The following GALNT13 variants were observed in gnomAD, a reference collection of about 807,000 sequenced individuals.
The protein encoded by GALNT13 is polypeptide N-acetylgalactosaminyltransferase 13, also known as UDP-GalNAc:polypeptide N-acetylgalactosaminyltransferase 13.
Under a neutral mutation model 64.2 loss-of-function variants are expected in GALNT13, and 28 were observed. The ratio of observed to expected loss-of-function variants is 0.44; its 90% CI spans 0.32 to 0.60. The LOEUF (loss-of-function observed/expected upper bound fraction) is 0.60, where lower values mean the gene tolerates loss of function less well. GALNT13 is among the 20% of genes least tolerant of loss of function. The pLI is 0.05. For missense variants in GALNT13, 577 were observed against 669.8 expected (o/e 0.86, Z 1.53); for synonymous variants, 214 against 224.6 (o/e 0.95, Z 0.42).
the GALNT13 span, among the ~76,000 whole-genome samples, chr2:153,603,184 T>C: frequency 2.6e-5 from 4 of 151,914 alleles, no homozygotes; most frequent in Non-Finnish European, 5.9e-5. Flanking sequence ...GAAGTACTTG[T>C]GCATCTTCTG....
chr2:153,843,911 G>A, the GALNT13 span, among the ~76,000 whole-genome samples: 2 of 152,336 alleles, frequency 1.3e-5, no homozygotes, highest in East Asian at 3.9e-4. Context: ...CCAGTGTAAA[G>A]TGTGGGCTCC....
intron 3 of GALNT13, among the ~76,000 whole-genome samples, chr2:154,028,006 T>C (rs996148432): frequency 6.6e-5 from 10 of 152,140 alleles, no homozygotes; most frequent in Non-Finnish European, 1.3e-4. Context: ...TTTTGGCTTT[T>C]GCTCTCAAAA....
the GALNT13 span, among the ~76,000 whole-genome samples, chr2:153,344,198 T>C: frequency 3.2e-3 from 481 of 152,300 alleles, 17 homozygotes; most frequent in East Asian, 0.085. Flanking sequence ...ACTACCCTCA[T>C]TAGAGTATAG....
chr2:154,153,093 G>T (rs567491195), intron 4 of GALNT13, among the ~76,000 whole-genome samples: 1 of 152,132 alleles, frequency 6.6e-6, no homozygotes, highest in Non-Finnish European at 1.5e-5. Context: ...TGATGGTGAC[G>T]TACAGATGGG....
chr2:153,069,140 C>T, the GALNT13 span, among the ~76,000 whole-genome samples: 6 of 152,162 alleles, frequency 3.9e-5, no homozygotes, highest in Admixed American at 2.6e-4. Flanking sequence ...TGACCTTCAG[C>T]GTCCAGGAGA....
At chr2:153,077,321 T>C in the GALNT13 span, among the ~76,000 whole-genome samples, 1 of 151,978 alleles carries the variant, frequency 6.6e-6, no homozygotes, top group Admixed American at 6.6e-5. Context: ...TTCTATTATA[T>C]TTATATATCT....
chr2:153,609,473 C>A, the GALNT13 span, among the ~76,000 whole-genome samples: 231 of 152,270 alleles, frequency 1.5e-3, 2 homozygotes, highest in East Asian at 5.2e-3. Context: ...CCGTTTCCAT[C>A]ATTTCTCTGC....
the GALNT13 span, among the ~76,000 whole-genome samples, chr2:153,133,053 T>G: frequency 2.8e-4 from 43 of 151,814 alleles, no homozygotes; most frequent in Admixed American, 2.6e-3. Flanking sequence ...TTTTTTTTTT[T>G]TTGGTTTTTG....
At chr2:154,309,524 G>A (rs970776264) in intron 9 of GALNT13, among the ~76,000 whole-genome samples, 1 of 152,172 alleles carries the variant, frequency 6.6e-6, no homozygotes, top group Admixed American at 6.5e-5. Flanking sequence ...CATGGCAGAA[G>A]GTGGAAGGGG....
chr2:153,201,747 G>A, the GALNT13 span: 1 of 151,958 alleles, frequency 6.6e-6, no homozygotes, highest in Non-Finnish European at 1.5e-5. Flanking sequence ...AATAGTGGGC[G>A]CCCCACCAGG....
chr2:153,196,498 G>A, the GALNT13 span, among the ~76,000 whole-genome samples: 2 of 152,130 alleles, frequency 1.3e-5, no homozygotes, highest in Non-Finnish European at 2.9e-5. Flanking sequence ...GGCCATGAGA[G>A]TCGACACTCC....
chr2:154,316,280 A>T (rs35354031), intron 9 of GALNT13, among the ~76,000 whole-genome samples: 24,261 of 152,138 alleles, frequency 0.16, 2,078 homozygotes, highest in African/African-American at 0.22. Flanking sequence ...AACTTTGCAC[A>T]TTCTTAGTGT....
chr2:154,217,750 A>G (rs916293371), intron 4 of GALNT13, among the ~76,000 whole-genome samples: 1 of 152,226 alleles, frequency 6.6e-6, no homozygotes, highest in East Asian at 1.9e-4. Flanking sequence ...TAAAAAGAAA[A>G]TAAATTAAAA....
At chr2:154,255,380 G>A (rs1379601510) in intron 7 of GALNT13, among the ~76,000 whole-genome samples, 2 of 152,128 alleles carry the variant, frequency 1.3e-5, no homozygotes, top group South Asian at 2.1e-4. Context: ...GAAAATATAT[G>A]TGTCTGGTTT....
chr2:154,074,919 C>G (rs1700909194), intron 3 of GALNT13, among the ~76,000 whole-genome samples: 3 of 151,900 alleles, frequency 2.0e-5, no homozygotes, highest in African/African-American at 7.2e-5. Context: ...TAAGAGCCAT[C>G]TATGACAAAT....
At chr2:153,387,136 GA>G in the GALNT13 span, among the ~76,000 whole-genome samples, 1 of 152,090 alleles carries the variant, frequency 6.6e-6, no homozygotes, top group Non-Finnish European at 1.5e-5. Flanking sequence ...GAGAAGAAAT[GA>G]AAGATAATTC....
chr2:153,114,871 A>T, the GALNT13 span, among the ~76,000 whole-genome samples: 3 of 151,770 alleles, frequency 2.0e-5, no homozygotes, highest in East Asian at 5.8e-4. Flanking sequence ...AGTATAGCAT[A>T]GTAGTTAAAC....
At chr2:154,340,513 A>T (rs572643501) in intron 9 of GALNT13, among the ~76,000 whole-genome samples, 2 of 152,132 alleles carry the variant, frequency 1.3e-5, no homozygotes, top group South Asian at 4.1e-4. Context: ...TGTTTTTTTG[A>T]TTCATTTCTT....
chr2:153,136,014 G>T, the GALNT13 span, among the ~76,000 whole-genome samples: 1 of 152,028 alleles, frequency 6.6e-6, no homozygotes, highest in East Asian at 1.9e-4. Flanking sequence ...CTATACAGGG[G>T]GAGAGACATT....
Sources: allele counts gnomAD v4.1 joint callset (sites outside exome capture counted in the v4.1 genomes callset), GRCh38; gene constraint gnomAD v4.1.1; transcripts MANE v1.5; gene names NCBI Gene and HGNC (gene_info 2026-07-23, HGNC 2026-07-21).